PBX4: variants seen among roughly 807,000 people sequenced by gnomAD.
PBX4 encodes the protein pre-B-cell leukemia transcription factor 4.
PBX4 carries 26 observed loss-of-function variants against 35.1 expected under a neutral mutation model. The observed-to-expected ratio is 0.74, with a 90% CI of 0.54 to 1.03. The LOEUF (loss-of-function observed/expected upper bound fraction) is 1.03. Ranked by LOEUF, PBX4 falls within the 50% of genes least tolerant of loss-of-function variation. The pLI, the probability that PBX4 is intolerant of heterozygous loss-of-function variation, is 0.00. For synonymous variants in PBX4, 199 were observed against 204.2 expected, an observed-to-expected ratio of 0.97 and a Z score of 0.22; for missense variants, 448 against 504.3, an observed-to-expected ratio of 0.89 and a Z score of 1.07.
At chr19:19,588,631 G>A (rs1254124965) in intron 2 of PBX4, among the ~76,000 whole-genome samples, 1 of 152,122 alleles carries the variant, frequency 6.6e-6, no homozygotes, top group East Asian at 1.9e-4. Flanking sequence ...TGAGAGCCAT[G>A]GGGGAAAGGT....
chr19:19,573,366 CACACAT>C (rs760020738), intron 2 of PBX4, among the ~76,000 whole-genome samples: 11 of 148,490 alleles, frequency 7.4e-5, no homozygotes, highest in African/African-American at 1.8e-4. Flanking sequence ...CACACACACA[CACACAT>C]ATAGGATAGT....
chr19:19,584,355 C>G (rs2061475485), intron 2 of PBX4, among the ~76,000 whole-genome samples: 2 of 152,322 alleles, frequency 1.3e-5, no homozygotes, highest in African/African-American at 4.8e-5. Context: ...TATTTTAAAG[C>G]CACTGATTCA....
intron 2 of PBX4, among the ~76,000 whole-genome samples, 175 bp downstream of exon 2, chr19:19,599,117 C>T (rs558326097): frequency 2.8e-4 from 42 of 152,020 alleles, no homozygotes; most frequent in Admixed American, 2.6e-3. Context: ...TACCGGCATG[C>T]GTCACCACGC....
chr19:19,596,490 G>A (rs893095280), intron 2 of PBX4, among the ~76,000 whole-genome samples: 3 of 152,062 alleles, frequency 2.0e-5, no homozygotes, highest in South Asian at 4.1e-4. Context: ...GTGTACACAC[G>A]CATCTGTAAT....
At chr19:19,564,271 C>G (rs1317013615) in intron 6 of PBX4, among the ~76,000 whole-genome samples, 1 of 150,540 alleles carries the variant, frequency 6.6e-6, no homozygotes, top group Non-Finnish European at 1.5e-5. Flanking sequence ...CGATAGTTTA[C>G]TGAGAATGAT....
At chr19:19,604,613 A>AT (rs150166305) in intron 1 of PBX4, among the ~76,000 whole-genome samples, 151,982 of 152,010 alleles carry the variant, frequency 1, 75,977 homozygotes, top group Non-Finnish European at 1. Flanking sequence ...TTTAATTTTT[A>AT]TTTTTGAGAT....
intron 1 of PBX4, among the ~76,000 whole-genome samples, chr19:19,605,295 A>G (rs2061623077): frequency 6.6e-6 from 1 of 151,300 alleles, no homozygotes; most frequent in African/African-American, 2.4e-5. Context: ...GCGCACCTGT[A>G]GTCCCAGCTA....
At chr19:19,571,407 T>A (rs1411979849) in intron 2 of PBX4, among the ~76,000 whole-genome samples, 2 of 152,130 alleles carry the variant, frequency 1.3e-5, no homozygotes. Context: ...CACTGAAAGA[T>A]TTTAAGCAGA....
chr19:19,561,964 A>T lies in PBX4; in HGVS notation c.*61T>A. Reference sequence around the variant, plus strand: ...GTCGTCGGCGGCACGTTCAGTAACAAAGCAACGGCTGGCGATACATGGCAG... The same window carrying T: ...GTCGTCGGCGGCACGTTCAGTAACATAGCAACGGCTGGCGATACATGGCAG... On this transcript the variant is annotated 3_prime_UTR_variant, in exon 8 of 8. Coordinates refer to ENST00000251203, the MANE Select transcript of PBX4 (RefSeq NM_025245.3). 6.9e-7 allele frequency: 1 copy of T among 1,456,382 alleles called. No individual in the cohort carries two copies. The highest frequency in any genetic ancestry group is 1.2e-5 in the South Asian group (1 of 81,012). The allele number at this position is 1,456,382 out of a possible 1,614,324, so 90.2% of individuals were successfully genotyped here. A position where few individuals can be genotyped will look rare whatever the true frequency, so the allele number is the denominator to read the frequency against.
At chr19:19,607,058 T>G (rs1255526110) in intron 1 of PBX4, among the ~76,000 whole-genome samples, 1 of 152,068 alleles carries the variant, frequency 6.6e-6, no homozygotes, top group Non-Finnish European at 1.5e-5. Context: ...ATCTGAATTT[T>G]TTTGTTTGTT....
intron 1 of PBX4, among the ~76,000 whole-genome samples, chr19:19,603,878 C>T (rs2061612673): frequency 6.8e-6 from 1 of 148,088 alleles, no homozygotes; most frequent in Non-Finnish European, 1.5e-5. Flanking sequence ...AATTTAATTG[C>T]TTGAACCCAG....
chr19:19,581,642 G>A (rs1373485218), intron 2 of PBX4, among the ~76,000 whole-genome samples: 1 of 152,174 alleles, frequency 6.6e-6, no homozygotes, highest in African/African-American at 2.4e-5. Context: ...AACAAGGAAG[G>A]GGAGACAAAG....
At chr19:19,576,092 CATTT>C (rs1568382900) in intron 2 of PBX4, among the ~76,000 whole-genome samples, 2 of 151,940 alleles carry the variant, frequency 1.3e-5, no homozygotes, top group Non-Finnish European at 2.9e-5. Context: ...TTCATTCATT[CATTT>C]ATGTATTTAG....
chr19:19,598,780 T>C (rs543308507), intron 2 of PBX4, among the ~76,000 whole-genome samples: 1 of 152,136 alleles, frequency 6.6e-6, no homozygotes, highest in African/African-American at 2.4e-5. Flanking sequence ...AGGGCAATGA[T>C]AAGGCAGAAA....
intron 2 of PBX4, among the ~76,000 whole-genome samples, chr19:19,580,827 G>T (rs968332953): frequency 3.1e-4 from 47 of 152,324 alleles, no homozygotes; most frequent in African/African-American, 1.0e-3. Context: ...TGACTTCCTG[G>T]GCTCAAGTGA....
At position 19,561,888 on chromosome 19, in the gene PBX4, G is replaced by A. The variant is rs1055995665; in HGVS notation, c.*137C>T. 4 of 663,264 alleles carry A rather than the reference G, an allele frequency of 6.0e-6. No homozygotes were observed. The African/African-American group carries it at 7.4e-5, about 12-fold the overall frequency. 41.1% of individuals were successfully genotyped at this position (663,264 alleles called of 1,614,324 possible). A position where few individuals can be genotyped will look rare whatever the true frequency, so the allele number is the denominator to read the frequency against. On this transcript the variant is annotated 3_prime_UTR_variant, in exon 8 of 8. Coordinates refer to ENST00000251203, the MANE Select transcript of PBX4 (RefSeq NM_025245.3). ...ACACATGAGCCGGCGCCACGGGCCT[G>A]GCTGAGGAGCAGGGGCTCATGGGCA...
rs116552143 is a variant in PBX4 at position 19,616,283 on chromosome 19, T to A, written c.119+2228A>T. On this transcript the variant is annotated intron_variant, in intron 1 of 7. Transcript: ENST00000251203. ...TTATTTTTCCCCATTGCAACTGGAATAAATAGTCCGAACTCCCTATTGATT... is the reference window on the plus strand; with the variant it reads ...TTATTTTTCCCCATTGCAACTGGAAAAAATAGTCCGAACTCCCTATTGATT... Among the ~76,000 whole-genome samples the A allele has an allele frequency of 6.7e-3, 1,024 of 152,274 alleles. 8 individuals carry two copies. The highest frequency in any genetic ancestry group is 0.023 in the African/African-American group (957 of 41,544).
At chr19:19,566,412 C>T (rs544320189) in intron 5 of PBX4, among the ~76,000 whole-genome samples, 6 of 152,234 alleles carry the variant, frequency 3.9e-5, no homozygotes, top group Non-Finnish European at 7.3e-5. Flanking sequence ...TTCCTACAGG[C>T]ATGGAGACGT....
rs1368762457 is a variant in PBX4, at chr19:19,562,095, GC to G, written c.1054del (p.Ala352ProfsTer28). The G allele has an allele frequency of 1.2e-6, 2 of 1,611,436 alleles. No individual in the cohort carries two copies. Among genetic ancestry groups the G allele is most frequent in the Admixed American group, 1.7e-5 (1 of 59,738 alleles). On this transcript the variant is annotated frameshift_variant, in exon 8 of 8. Transcript: ENST00000251203. LOFTEE classifies it low-confidence loss of function (END_TRUNC). The surrounding 1 kb of genome is among the most constrained non-coding windows in gnomAD (Gnocchi z 4.8). ...QSQAQGSWQG[A>X]TPQPATASPA... is the part of the protein sequence containing the mutation. ...TGAGGCAGTTGCAGGTTGGGGGGTGGCCCCCTGCCAGCTACCCTGGGCCTGA... is the reference window on the plus strand; with the variant it reads ...TGAGGCAGTTGCAGGTTGGGGGGTGGCCCCTGCCAGCTACCCTGGGCCTGA...
Sources: allele counts gnomAD v4.1 joint callset (sites outside exome capture counted in the v4.1 genomes callset), GRCh38; gene constraint gnomAD v4.1.1; non-coding constraint Gnocchi (gnomAD v3.1); transcripts MANE v1.5; gene names NCBI Gene and HGNC (gene_info 2026-07-23, HGNC 2026-07-21).